TTC34: variants seen among roughly 807,000 people sequenced by gnomAD.
The protein encoded by TTC34 is tetratricopeptide repeat domain 34.
TTC34 carries 44 observed loss-of-function variants against 40.7 expected under a neutral mutation model. The observed-to-expected ratio is 1.08, with a 90% CI of 0.85 to 1.39. TTC34 has a LOEUF of 1.39. Among genes scored for constraint, TTC34 ranks in the 40% most tolerant of loss-of-function variants. The probability of loss-of-function intolerance (pLI) is 0.00; values close to 1 mark genes in which losing one functional copy is unlikely to be tolerated. For missense variants in TTC34, 884 were observed against 838.0 expected (o/e 1.05, Z -0.68); for synonymous variants, 422 against 398.6 (o/e 1.06, Z -0.70).
chr1:2,749,060 C>T (rs1172098987), intron 6 of TTC34, among the ~76,000 whole-genome samples: 468 of 86,760 alleles, frequency 5.4e-3, no homozygotes, highest in African/African-American at 7.9e-3. Context: ...GAGAATCCGA[C>T]AGCCTGGAGC....
chr1:2,749,757 T>C (rs1164530581), intron 6 of TTC34, among the ~76,000 whole-genome samples: 3 of 7,818 alleles, frequency 3.8e-4, no homozygotes, highest in African/African-American at 1.7e-3. Flanking sequence ...CTGGAACAGC[T>C]CCCACACCCC....
chr1:2,682,251 C>T (rs1640115798), intron 6 of TTC34, among the ~76,000 whole-genome samples: 1 of 131,664 alleles, frequency 7.6e-6, no homozygotes, highest in Non-Finnish European at 1.7e-5. Context: ...ATCTGATTGT[C>T]TGGAGCAGCA....
intron 6 of TTC34, among the ~76,000 whole-genome samples, chr1:2,648,468 C>T (rs977611048): frequency 2.0e-4 from 31 of 152,182 alleles, no homozygotes; most frequent in African/African-American, 4.6e-4. Flanking sequence ...AGCCTCTCTG[C>T]GGCCTCCTGT....
At chr1:2,795,221 C>T (rs189524279) in intron 2 of TTC34, among the ~76,000 whole-genome samples, 63 of 152,284 alleles carry the variant, frequency 4.1e-4, no homozygotes, top group African/African-American at 1.5e-3. Context: ...TGCACTCCAG[C>T]CTGGGAGACA....
chr1:2,750,800 C>A lies in TTC34; in HGVS notation c.2226+32809G>T, dbSNP rs1255350051. On this transcript the variant is annotated intron_variant, in intron 6 of 8. Coordinates refer to ENST00000401095, the Ensembl canonical transcript of TTC34. ...GAACATCGGAGAGTCTGGAGCAGCG[C>A]CCACACCCCCAGGCGAGCATCTGAC... 5.7e-3 allele frequency among the ~76,000 whole-genome samples: 760 copies of A among 134,280 alleles called. 52 individuals are homozygous for A. Among genetic ancestry groups the A allele is most frequent in the Non-Finnish European group, 8.8e-3 (562 of 64,064 alleles). 88.1% of individuals were successfully genotyped at this position (134,280 alleles called of 152,430 possible).
chr1:2,793,383 C>G (rs1207218073), intron 2 of TTC34, among the ~76,000 whole-genome samples: 1 of 152,130 alleles, frequency 6.6e-6, no homozygotes, highest in African/African-American at 2.4e-5. Flanking sequence ...ACTCTGCATA[C>G]TAATTTATCT....
At chr1:2,675,198 C>T (rs1375486702) in intron 6 of TTC34, among the ~76,000 whole-genome samples, 2 of 148,862 alleles carry the variant, frequency 1.3e-5, no homozygotes, top group Admixed American at 6.7e-5. Context: ...GCAGCACCGA[C>T]AACCCCAGGT....
Position 2,790,351 on chromosome 1 carries a change from GGAGA to G in TTC34, c.785-9_785-6del, listed in dbSNP as rs1231879382. Reference sequence around the variant, plus strand: ...GCAGGGCGGCTCGGCGCTCACCTGCGGAGAGAAACAGAGGCGTGGGTTCTGCCTG... The same window carrying G: ...GCAGGGCGGCTCGGCGCTCACCTGCGGAAACAGAGGCGTGGGTTCTGCCTG... On this transcript the variant is annotated splice_polypyrimidine_tract_variant and splice_region_variant and intron_variant, in intron 2 of 8. Transcript: ENST00000401095. 2.5e-6 allele frequency: 1 copy of G among 398,422 alleles called. No homozygotes were observed. Among genetic ancestry groups the G allele is most frequent in the Non-Finnish European group, 4.4e-6 (1 of 226,028 alleles). 24.7% of individuals were successfully genotyped at this position (398,422 alleles called of 1,614,324 possible). A position where few individuals can be genotyped will look rare whatever the true frequency, so the allele number is the denominator to read the frequency against.
At position 2,786,035 on chromosome 1, in the gene TTC34, C is replaced by G. The variant is rs991572730; in HGVS notation, c.1855-12G>C. Reference sequence around the variant, plus strand: ...AGCTTCTTCACCAACTGCAAGGGTGCCACAGTCACTGCCCATGCCCTTGGG... The same window carrying G: ...AGCTTCTTCACCAACTGCAAGGGTGGCACAGTCACTGCCCATGCCCTTGGG... On this transcript the variant is annotated splice_polypyrimidine_tract_variant and intron_variant, in intron 4 of 8. Coordinates refer to ENST00000401095, the Ensembl canonical transcript of TTC34. The G allele has an allele frequency of 6.9e-6, 10 of 1,456,054 alleles. No individual in the cohort carries two copies. In the Middle Eastern group the frequency reaches 5.4e-4, roughly 79 times the overall value. The allele number at this position is 1,456,054 out of a possible 1,614,324, so 90.2% of individuals were successfully genotyped here.
At chr1:2,769,693 T>C (rs374372449) in intron 6 of TTC34, among the ~76,000 whole-genome samples, 1,032 of 10,014 alleles carry the variant, frequency 0.1, no homozygotes, top group African/African-American at 0.15. Context: ...CATCTGACAG[T>C]CTGGAGCAGC....
intron 6 of TTC34, among the ~76,000 whole-genome samples, chr1:2,687,588 C>G (rs1471271419): frequency 1.8e-3 from 259 of 142,520 alleles, no homozygotes; most frequent in Middle Eastern, 3.6e-3. Context: ...GATCTGACAG[C>G]CTGGAACAGC....
chr1:2,781,100 G>T (rs534048253), intron 6 of TTC34, among the ~76,000 whole-genome samples: 5 of 152,158 alleles, frequency 3.3e-5, no homozygotes, highest in African/African-American at 1.2e-4. Context: ...AATAAATACA[G>T]CCAGCCTTTC....
exon 3 of TTC34, chr1:2,789,912 C>A: frequency 2.5e-6 from 1 of 395,596 alleles, no homozygotes; most frequent in Non-Finnish European, 4.5e-6. Context: ...CGGTCCCCCG[C>A]AGGGTCCTCA....
chr1:2,651,536 CA>C (rs1181298424), intron 6 of TTC34, among the ~76,000 whole-genome samples: 1 of 151,250 alleles, frequency 6.6e-6, no homozygotes, highest in African/African-American at 2.4e-5. Flanking sequence ...GAGAATCTGA[CA>C]GCCTGGATCA....
At position 2,752,382 on chromosome 1, in the gene TTC34, C is replaced by A. The variant is rs1308862572; in HGVS notation, c.2226+31227G>T. On this transcript the variant is annotated intron_variant, in intron 6 of 8. Transcript: ENST00000401095. ...AACAGCACCCACACCCCCAGGCGAG[C>A]ATCTGAGAGCATGTAACAGCACCCA... 1.1e-4 allele frequency among the ~76,000 whole-genome samples: 15 copies of A among 133,536 alleles called. 5 individuals carry two copies. The highest frequency in any genetic ancestry group is 3.6e-4 in the African/African-American group (12 of 32,986). The allele number at this position is 133,536 out of a possible 152,430, so 87.6% of individuals were successfully genotyped here.
chr1:2,752,213 C>A (rs1181541046), intron 6 of TTC34, among the ~76,000 whole-genome samples: 1 of 121,014 alleles, frequency 8.3e-6, no homozygotes, highest in Non-Finnish European at 1.7e-5. Flanking sequence ...CCCACACCCC[C>A]AGGTGAGCAT....
rs1473033485 is a variant in TTC34, at chr1:2,755,856, A to C, written c.2226+27753T>G. ...TGAGCATCCGACAGCCTGGAACATC[A>C]CCCACACACTCACGCGAGCACCTGA... On this transcript the variant is annotated intron_variant, in intron 6 of 8. Coordinates refer to ENST00000401095, the Ensembl canonical transcript of TTC34. Among the ~76,000 whole-genome samples, 5 of 71,700 alleles carry C rather than the reference A, an allele frequency of 7.0e-5. 2 individuals are homozygous for C. The highest frequency in any genetic ancestry group is 2.6e-4 in the Admixed American group (2 of 7,606). 47.0% of individuals were successfully genotyped at this position (71,700 alleles called of 152,430 possible). A position where few individuals can be genotyped will look rare whatever the true frequency, so the allele number is the denominator to read the frequency against.
At chr1:2,756,027 C>A (rs1426101129) in intron 6 of TTC34, among the ~76,000 whole-genome samples, 3 of 86,398 alleles carry the variant, frequency 3.5e-5, no homozygotes, top group African/African-American at 7.9e-5. Flanking sequence ...ACACACACCC[C>A]CAGGCGAGCA....
At chr1:2,682,032 G>C (rs1175167092) in intron 6 of TTC34, among the ~76,000 whole-genome samples, 1 of 121,228 alleles carries the variant, frequency 8.2e-6, no homozygotes, top group Non-Finnish European at 1.7e-5. Flanking sequence ...ATACCCACAG[G>C]TGAGCATCTG....
Sources: allele counts gnomAD v4.1 joint callset (sites outside exome capture counted in the v4.1 genomes callset), GRCh38; gene constraint gnomAD v4.1.1; transcripts MANE v1.5; gene names NCBI Gene and HGNC (gene_info 2026-07-23, HGNC 2026-07-21).